Variants in TRAPPC9 observed in about 807,000 individuals in gnomAD.
TRAPPC9 encodes the protein trafficking protein particle complex subunit 9.
TRAPPC9 carries 83 observed loss-of-function variants against 124.0 expected under a neutral mutation model. That is an observed-to-expected ratio of 0.67 (90% confidence interval 0.56 to 0.80). The LOEUF (loss-of-function observed/expected upper bound fraction) is 0.80, where lower values mean the gene tolerates loss of function less well. Among genes scored for constraint, TRAPPC9 ranks in the 30% least tolerant of loss-of-function variants. The probability of loss-of-function intolerance (pLI) is 0.00; values close to 1 mark genes in which losing one functional copy is unlikely to be tolerated. For missense variants in TRAPPC9, 1,302 were observed against 1,508.3 expected, an observed-to-expected ratio of 0.86 and a Z score of 2.27; for synonymous variants, 638 against 617.5, an observed-to-expected ratio of 1.03 and a Z score of -0.49.
At chr8:139,840,069 G>T (rs1826627395) in intron 21 of TRAPPC9, among the ~76,000 whole-genome samples, 1 of 152,252 alleles carries the variant, frequency 6.6e-6, no homozygotes, top group Non-Finnish European at 1.5e-5. Context: ...CACCACCAGA[G>T]AGTCTGTACT....
chr8:139,916,990 A>G (rs1294041471), intron 19 of TRAPPC9, among the ~76,000 whole-genome samples: 1 of 152,158 alleles, frequency 6.6e-6, no homozygotes, highest in Non-Finnish European at 1.5e-5. Flanking sequence ...ATGCCAAGTG[A>G]GAGGGAAGCA....
At position 140,087,759 on chromosome 8, in the gene TRAPPC9, G is replaced by A. The variant is rs1465780272; in HGVS notation, c.2557-63680C>T. Among the ~76,000 whole-genome samples the A allele has an allele frequency of 2.0e-5, 3 of 152,042 alleles. No individual in the cohort carries two copies. Among genetic ancestry groups the A allele is most frequent in the African/African-American group, 7.2e-5 (3 of 41,386 alleles). On this transcript the variant is annotated intron_variant, in intron 17 of 22. Coordinates refer to ENST00000438773, the MANE Select transcript of TRAPPC9 (RefSeq NM_001160372.4). This position sits in a 1 kb window ranked among gnomAD's most constrained non-coding sequence, Gnocchi z 4.6. ...TCGTCCACGTTTCCCTCTCCACCCTGCAATCCATCTCCAACCAGCAGTCAC... is the reference window on the plus strand; with the variant it reads ...TCGTCCACGTTTCCCTCTCCACCCTACAATCCATCTCCAACCAGCAGTCAC...
chr8:140,268,697 C>A (rs539840115), intron 15 of TRAPPC9, among the ~76,000 whole-genome samples: 1 of 152,258 alleles, frequency 6.6e-6, no homozygotes, highest in Non-Finnish European at 1.5e-5. Context: ...GCCAGGGTGG[C>A]CCTATGTGCC....
chr8:140,385,288 A>C (rs1205702273), intron 7 of TRAPPC9, among the ~76,000 whole-genome samples: 1 of 152,222 alleles, frequency 6.6e-6, no homozygotes, highest in Non-Finnish European at 1.5e-5. Flanking sequence ...ACACATTCAA[A>C]AGCTAGCAGA....
chr8:140,062,447 C>T (rs1842677612), intron 17 of TRAPPC9, among the ~76,000 whole-genome samples: 1 of 152,184 alleles, frequency 6.6e-6, no homozygotes, highest in Non-Finnish European at 1.5e-5. Context: ...TATGTCCTGG[C>T]TGTGTCCTCC....
chr8:140,024,006 G>A lies in TRAPPC9; in HGVS notation c.2630C>T (p.Ser877Phe), dbSNP rs201077904. ...CTCGACTTCTACATGCAGCCCCAGGGAGAGATTCCTGTAATATCCTTCAGT... is the reference window on the plus strand; with the variant it reads ...CTCGACTTCTACATGCAGCCCCAGGAAGAGATTCCTGTAATATCCTTCAGT... ...GHTEGYYRNL[S>F]LGLHVEVEPS... Residue 877 changes from serine (S) to phenylalanine (F), a missense_variant, in exon 18 of 23, where the codon TCC becomes TTC. Coordinates refer to ENST00000438773, the MANE Select transcript of TRAPPC9 (RefSeq NM_001160372.4). 1.3e-5 allele frequency: 21 copies of A among 1,614,054 alleles called. No homozygotes were observed. The highest frequency in any genetic ancestry group is 2.2e-5 in the East Asian group (1 of 44,896).
At chr8:140,183,584 C>T (rs2062256273) in intron 17 of TRAPPC9, among the ~76,000 whole-genome samples, 1 of 151,878 alleles carries the variant, frequency 6.6e-6, no homozygotes, top group East Asian at 1.9e-4. Context: ...GGCATGGTGG[C>T]TCATGCCTGT....
At chr8:140,270,270 G>A (rs73366946) in intron 15 of TRAPPC9, among the ~76,000 whole-genome samples, 114 of 152,336 alleles carry the variant, frequency 7.5e-4, no homozygotes, top group African/African-American at 2.6e-3. Context: ...AGCAGGCGTG[G>A]AGAGGGGAGC....
intron 17 of TRAPPC9, among the ~76,000 whole-genome samples, chr8:140,121,009 G>A (rs1021097778): frequency 6.6e-6 from 1 of 152,228 alleles, no homozygotes; most frequent in African/African-American, 2.4e-5. Flanking sequence ...AACAAATACT[G>A]TGGAAGTTTC....
At chr8:140,125,715 C>T (rs530778154) in intron 17 of TRAPPC9, among the ~76,000 whole-genome samples, 5 of 151,312 alleles carry the variant, frequency 3.3e-5, no homozygotes, top group Admixed American at 2.6e-4. Flanking sequence ...CTGCCTCAGC[C>T]TCCTGAGTAG....
intron 20 of TRAPPC9, among the ~76,000 whole-genome samples, chr8:139,895,224 C>T (rs1229917252): frequency 2.6e-5 from 4 of 152,164 alleles, no homozygotes; most frequent in Admixed American, 6.6e-5. Flanking sequence ...TCCCTGTTGA[C>T]GAGGCGGGGG....
chr8:139,775,011 G>A (rs896325263), intron 21 of TRAPPC9, among the ~76,000 whole-genome samples: 14 of 152,220 alleles, frequency 9.2e-5, no homozygotes, highest in Non-Finnish European at 1.9e-4. Flanking sequence ...TGGGGCACAG[G>A]CTGCCACTAA....
At chr8:139,817,045 AACACACACAC>A (rs1228353322) in intron 21 of TRAPPC9, among the ~76,000 whole-genome samples, 1 of 135,286 alleles carries the variant, frequency 7.4e-6, no homozygotes, top group Non-Finnish European at 1.6e-5. Context: ...ACATAAACTA[AACACACACAC>A]ACACACACAC....
At chr8:140,378,709 G>A (rs2068519548) in intron 7 of TRAPPC9, among the ~76,000 whole-genome samples, 1 of 152,084 alleles carries the variant, frequency 6.6e-6, no homozygotes, top group African/African-American at 2.4e-5. Context: ...TGCTAAACGT[G>A]TCGTTTAGGG....
At chr8:139,817,276 T>G (rs1171354283) in intron 21 of TRAPPC9, among the ~76,000 whole-genome samples, 3 of 152,194 alleles carry the variant, frequency 2.0e-5, no homozygotes, top group Non-Finnish European at 4.4e-5. Flanking sequence ...AGGTTCAGGC[T>G]GCAAATCTCA....
Position 139,788,047 on chromosome 8 carries a change from C to T in TRAPPC9, c.3056-55845G>A, listed in dbSNP as rs910215944. Among the ~76,000 whole-genome samples the T allele has an allele frequency of 2.0e-5, 3 of 152,188 alleles. No homozygotes were observed. Among genetic ancestry groups the T allele is most frequent in the Non-Finnish European group, 4.4e-5 (3 of 68,044 alleles). ...CTGCCAACCATGGTACTACAAAGGG[C>T]ATGGACTCAGAACTAGGAACCCGAA... On this transcript the variant is annotated intron_variant, in intron 21 of 22. Transcript: ENST00000438773. The surrounding 1 kb of genome is among the most constrained non-coding windows in gnomAD (Gnocchi z 4.9).
intron 21 of TRAPPC9, among the ~76,000 whole-genome samples, chr8:139,839,634 G>A (rs1009425819): frequency 1.3e-5 from 2 of 152,240 alleles, no homozygotes; most frequent in African/African-American, 4.8e-5. Flanking sequence ...CTCCCCGAAA[G>A]CGGATGCTCA....
chr8:139,986,762 C>T (rs1049292657), intron 19 of TRAPPC9, among the ~76,000 whole-genome samples: 4 of 152,112 alleles, frequency 2.6e-5, no homozygotes, highest in East Asian at 1.9e-4. Context: ...GATTAGTTGC[C>T]GAGTTTTGAC....
intron 17 of TRAPPC9, among the ~76,000 whole-genome samples, chr8:140,037,540 C>T (rs1840973377): frequency 1.3e-5 from 2 of 151,886 alleles, no homozygotes; most frequent in South Asian, 4.2e-4. Flanking sequence ...CATCGGACCC[C>T]TACTGCTCCT....
Sources: gnomAD v4.1 joint callset for allele counts (sites outside exome capture counted in the v4.1 genomes callset) on GRCh38, gnomAD v4.1.1 for gene constraint, Gnocchi (gnomAD v3.1) non-coding constraint, MANE v1.5 for transcripts, NCBI Gene and HGNC (gene_info 2026-07-23, HGNC 2026-07-21) for gene names.